The following SLC13A1 variants were observed in gnomAD, a reference collection of about 807,000 sequenced individuals.
The protein encoded by SLC13A1 is solute carrier family 13 member 1.
In SLC13A1, 65 loss-of-function variants were observed where a neutral mutation model predicts 70.0. That is an observed-to-expected ratio of 0.93 (90% CI 0.76 to 1.14). The LOEUF is 1.14. SLC13A1 is among the 50% of genes most tolerant of loss of function. The probability of loss-of-function intolerance (pLI) is 0.00; values close to 1 mark genes in which losing one functional copy is unlikely to be tolerated. For synonymous variants in SLC13A1, 275 were observed against 250.5 expected, an observed-to-expected ratio of 1.10 and a Z score of -0.92; for missense variants, 726 against 717.8, an observed-to-expected ratio of 1.01 and a Z score of -0.13.
rs1166701359 is a variant in SLC13A1, at chr7:123,148,426, G to C, written c.661-1116C>G. 6 of 448,056 alleles carry C rather than the reference G, an allele frequency of 1.3e-5. No individual in the cohort carries two copies. In the Admixed American group the frequency reaches 1.5e-4, roughly 11 times the overall value. The allele number at this position is 448,056 out of a possible 1,614,324, so 27.8% of individuals were successfully genotyped here. A position where few individuals can be genotyped will look rare whatever the true frequency, so the allele number is the denominator to read the frequency against. On this transcript the variant is annotated intron_variant, in intron 6 of 14. Transcript: ENST00000194130. The stretch of plus-strand genomic sequence containing the variant: ...TATACCTTGGACAATGGCACATCCT[G>C]AAATGGTTTCACTTGGGGAATCACT...
chr7:123,163,849 A>G (rs1036657350), intron 6 of SLC13A1, among the ~76,000 whole-genome samples: 3 of 152,032 alleles, frequency 2.0e-5, no homozygotes, highest in African/African-American at 7.2e-5. Context: ...GTTTATATAC[A>G]ACATGAGTTA....
At chr7:123,175,594 C>G (rs1040498205) in intron 2 of SLC13A1, among the ~76,000 whole-genome samples, 6 of 152,080 alleles carry the variant, frequency 3.9e-5, no homozygotes, top group Admixed American at 1.3e-4. Context: ...CAGCAAGATG[C>G]CATCTATGGA....
chr7:123,188,546 G>C (rs1795892393), intron 1 of SLC13A1, among the ~76,000 whole-genome samples: 1 of 151,896 alleles, frequency 6.6e-6, no homozygotes. Context: ...CACAGTTATT[G>C]AACATAATTG....
chr7:123,157,765 A>C (rs1308346962), intron 6 of SLC13A1, among the ~76,000 whole-genome samples: 1 of 152,166 alleles, frequency 6.6e-6, no homozygotes, highest in Non-Finnish European at 1.5e-5. Flanking sequence ...AATCATTTTA[A>C]AGCTGGATTT....
intron 10 of SLC13A1, among the ~76,000 whole-genome samples, chr7:123,128,220 AAAAAGAC>A: frequency 6.6e-6 from 1 of 152,188 alleles, no homozygotes; most frequent in South Asian, 2.1e-4. Context: ...TAAATGAAGA[AAAAAGAC>A]AAGATACTAC....
rs763762804 is a variant in SLC13A1, at chr7:123,168,533, C to T, written c.582G>A (p.Glu194=). 2 of 1,610,438 alleles carry T rather than the reference C, an allele frequency of 1.2e-6. No homozygotes were observed. The highest frequency in any genetic ancestry group is 1.7e-6 in the Non-Finnish European group (2 of 1,177,618). The change falls in exon 5 of 15, where the codon GAG becomes GAA. Residue 194 remains glutamate (E), a synonymous_variant. Transcript: ENST00000194130. ...GAACTGGTTTTGTTTTCTCTTTCCT[C>T]TCATTTATTTCATGTCCATTAACAC... ...DESVNGHEIN[E]RKEKTKPVPG...
intron 6 of SLC13A1, among the ~76,000 whole-genome samples, chr7:123,158,822 A>G (rs1794794848): frequency 6.6e-6 from 1 of 152,114 alleles, no homozygotes; most frequent in Non-Finnish European, 1.5e-5. Context: ...ATAATAACCT[A>G]TCTAGCACAC....
intron 7 of SLC13A1, among the ~76,000 whole-genome samples, chr7:123,134,936 A>C (rs1793904577): frequency 6.6e-6 from 1 of 152,234 alleles, no homozygotes; most frequent in Admixed American, 6.5e-5. Context: ...AAATGGGAAC[A>C]GGTGAAAATT....
At chr7:123,170,448 G>T (rs1354713416) in intron 3 of SLC13A1, among the ~76,000 whole-genome samples, 1 of 152,136 alleles carries the variant, frequency 6.6e-6, no homozygotes, top group Non-Finnish European at 1.5e-5. Context: ...GCCTTAAATT[G>T]AAGAGCCACT....
At chr7:123,198,359 A>G (rs1796248803) in intron 1 of SLC13A1, among the ~76,000 whole-genome samples, 1 of 152,012 alleles carries the variant, frequency 6.6e-6, no homozygotes, top group Non-Finnish European at 1.5e-5. Context: ...AACAAAACCA[A>G]CAAAGCCAAA....
intron 6 of SLC13A1, among the ~76,000 whole-genome samples, chr7:123,167,157 C>A (rs2116533197): frequency 6.6e-6 from 1 of 152,244 alleles, no homozygotes; most frequent in South Asian, 2.1e-4. Context: ...GGATCTAGAA[C>A]TAGAAATACT....
rs189088967 is a variant in SLC13A1, at chr7:123,164,357, T to C, written c.660+4017A>G. 7.9e-5 allele frequency among the ~76,000 whole-genome samples: 12 copies of C among 152,028 alleles called. No individual in the cohort carries two copies. The East Asian group carries it at 2.3e-3, about 29-fold the overall frequency. The stretch of plus-strand genomic sequence containing the variant: ...GTATGTTATTGCCTTTGGGGAGAAA[T>C]ATTATAGTTCTAAAAATTGAAGTAA... On this transcript the variant is annotated intron_variant, in intron 6 of 14. Coordinates refer to ENST00000194130, the MANE Select transcript of SLC13A1 (RefSeq NM_022444.4).
chr7:123,193,571 C>G (rs1321786932), intron 1 of SLC13A1, among the ~76,000 whole-genome samples: 1 of 152,156 alleles, frequency 6.6e-6, no homozygotes, highest in Non-Finnish European at 1.5e-5. Context: ...ATAAGGCAAT[C>G]TGAGCACAGC....
chr7:123,123,695 G>A (rs1414230095), intron 11 of SLC13A1, among the ~76,000 whole-genome samples: 1 of 151,946 alleles, frequency 6.6e-6, no homozygotes, highest in Non-Finnish European at 1.5e-5. Context: ...TTAGTTTTTA[G>A]GTCATAAGGA....
intron 2 of SLC13A1, among the ~76,000 whole-genome samples, chr7:123,179,293 A>T (rs1191972221): frequency 6.6e-6 from 1 of 152,180 alleles, no homozygotes; most frequent in African/African-American, 2.4e-5. Context: ...AGTTAAAATT[A>T]TTCAAAAATA....
At chr7:123,155,199 A>G (rs1794671925) in intron 6 of SLC13A1, among the ~76,000 whole-genome samples, 1 of 151,704 alleles carries the variant, frequency 6.6e-6, no homozygotes, top group African/African-American at 2.4e-5. Context: ...CATTGTAGAA[A>G]CTTTCTTGAA....
At chr7:123,172,446 C>A (rs1353515552) in intron 2 of SLC13A1, among the ~76,000 whole-genome samples, 1 of 152,166 alleles carries the variant, frequency 6.6e-6, no homozygotes, top group African/African-American at 2.4e-5. Context: ...CATAGTGAAA[C>A]CCTATCTCTA....
chr7:123,167,996 A>G (rs1300610716), intron 6 of SLC13A1, among the ~76,000 whole-genome samples: 3 of 152,072 alleles, frequency 2.0e-5, no homozygotes, highest in African/African-American at 7.2e-5. Flanking sequence ...CCCCCAAAAC[A>G]TGCAATTCAC....
chr7:123,147,631 C>A (rs1453540375), intron 6 of SLC13A1, among the ~76,000 whole-genome samples: 1 of 152,056 alleles, frequency 6.6e-6, no homozygotes, highest in Non-Finnish European at 1.5e-5. Context: ...CAGACACTGA[C>A]CCTGCCAGAC....
Sources: gnomAD v4.1 joint callset for allele counts (sites outside exome capture counted in the v4.1 genomes callset) on GRCh38, gnomAD v4.1.1 for gene constraint, MANE v1.5 for transcripts, NCBI Gene and HGNC (gene_info 2026-07-23, HGNC 2026-07-21) for gene names.